TUSC3: variants seen among roughly 807,000 people sequenced by gnomAD.
TUSC3 encodes the protein tumor suppressor candidate 3, also known as dolichyl-diphosphooligosaccharide--protein glycosyltransferase subunit TUSC3.
A neutral mutation model predicts 44.8 loss-of-function variants in TUSC3; 45 were observed. The ratio of observed to expected loss-of-function variants is 1.00; its 90% CI spans 0.79 to 1.29. The LOEUF (loss-of-function observed/expected upper bound fraction) is 1.29. Ranked by LOEUF, TUSC3 falls within the 50% of genes most tolerant of loss-of-function variation. The pLI is 0.00. For missense variants in TUSC3, 519 were observed against 437.9 expected (o/e 1.19, Z -1.65); for synonymous variants, 212 against 152.9 (o/e 1.39, Z -2.85).
At chr8:15,770,353 G>A (rs1343627017), downstream of TUSC3, among the ~76,000 whole-genome samples, 1 of 152,062 alleles carries the variant, frequency 6.6e-6, no homozygotes, top group Non-Finnish European at 1.5e-5. Flanking sequence ...GTGAGAGTTG[G>A]ACAGTGAGAA....
intron 1 of TUSC3, among the ~76,000 whole-genome samples, chr8:15,563,558 T>G (rs762788526): frequency 8.6e-5 from 13 of 151,834 alleles, no homozygotes; most frequent in Non-Finnish European, 1.6e-4. Flanking sequence ...TGGTGGCGCA[T>G]GCCTGTAATA....
the TUSC3 span, among the ~76,000 whole-genome samples, chr8:15,826,732 A>G: frequency 4.2e-4 from 64 of 151,856 alleles, no homozygotes; most frequent in Non-Finnish European, 7.5e-4. Flanking sequence ...AAAGGCAGGA[A>G]GAGGAATGGG....
intron 1 of TUSC3, among the ~76,000 whole-genome samples, chr8:15,431,549 A>G (rs978616032): frequency 3.3e-5 from 5 of 151,654 alleles, no homozygotes; most frequent in African/African-American, 1.2e-4. Context: ...TGCTAAAGTC[A>G]TGGATTAGAT....
chr8:15,556,077 A>G (rs1437708374), intron 1 of TUSC3, among the ~76,000 whole-genome samples: 1 of 150,642 alleles, frequency 6.6e-6, no homozygotes, highest in Admixed American at 6.6e-5. Flanking sequence ...ACATATGTAT[A>G]CATGTGCCAA....
chr8:15,727,973 T>G lies in TUSC3; in HGVS notation c.799-2693T>G, dbSNP rs548458962. On this transcript the variant is annotated intron_variant, in intron 6 of 10. Transcript: ENST00000503731. ...AAATTCAGGACTGTCTCTAAAGCCT[T>G]TCCTCTCTCCTGCCTTATGTATACA... Among the ~76,000 whole-genome samples the G allele has an allele frequency of 3.3e-5, 5 of 152,332 alleles. No homozygotes were observed. In the South Asian group the frequency reaches 1.0e-3, roughly 32 times the overall value.
intron 2 of TUSC3, among the ~76,000 whole-genome samples, chr8:15,485,824 C>G (rs1052100511): frequency 6.6e-6 from 1 of 150,796 alleles, no homozygotes; most frequent in Non-Finnish European, 1.5e-5. Context: ...CAGAGTTTCA[C>G]TCTTGTTGCC....
intron 1 of TUSC3, among the ~76,000 whole-genome samples, chr8:15,446,696 C>A (rs547085876): frequency 3.4e-5 from 4 of 116,342 alleles, no homozygotes; most frequent in African/African-American, 1.0e-4. Context: ...AGCCTCGGCT[C>A]GGCATCAGAG....
chr8:15,582,050 C>T (rs536090031), intron 1 of TUSC3, among the ~76,000 whole-genome samples: 17 of 152,088 alleles, frequency 1.1e-4, no homozygotes, highest in South Asian at 4.1e-4. Context: ...GCGCAATATT[C>T]GGGTGGCAGT....
intron 1 of TUSC3, among the ~76,000 whole-genome samples, chr8:15,591,658 G>T (rs186913447): frequency 6.6e-6 from 1 of 152,172 alleles, no homozygotes; most frequent in Non-Finnish European, 1.5e-5. Context: ...TTGACTTGTG[G>T]AGTCCACATT....
chr8:15,673,976 T>TCACCTATATA, intron 6 of TUSC3, 140 bp downstream of exon 6: 1 of 705,266 alleles, frequency 1.4e-6, no homozygotes, highest in South Asian at 1.8e-5. Flanking sequence ...ACTACCTGTG[T>TCACCTATATA]CACCTATATA....
chr8:15,715,122 A>G (rs749172422), intron 6 of TUSC3, among the ~76,000 whole-genome samples: 1 of 152,122 alleles, frequency 6.6e-6, no homozygotes, highest in Non-Finnish European at 1.5e-5. Context: ...ATTAAATTAA[A>G]TAATCTTTAT....
chr8:15,654,915 T>TG (rs535347813), intron 3 of TUSC3, among the ~76,000 whole-genome samples: 7 of 152,356 alleles, frequency 4.6e-5, no homozygotes, highest in African/African-American at 1.4e-4. Context: ...TCTTCCATCT[T>TG]TACTTCTTCA....
intron 6 of TUSC3, among the ~76,000 whole-genome samples, chr8:15,690,158 C>G (rs1808836063): frequency 6.6e-6 from 1 of 152,120 alleles, no homozygotes; most frequent in Non-Finnish European, 1.5e-5. Flanking sequence ...TTCTTCTCTT[C>G]CACAATCTCG....
At chr8:15,490,612 G>A (rs1333547432) in intron 2 of TUSC3, among the ~76,000 whole-genome samples, 2 of 152,194 alleles carry the variant, frequency 1.3e-5, no homozygotes, top group African/African-American at 2.4e-5. Flanking sequence ...GCTGCCAGGT[G>A]TGCTGGGTCT....
chr8:15,782,605 C>T, the TUSC3 span, among the ~76,000 whole-genome samples: 1 of 152,142 alleles, frequency 6.6e-6, no homozygotes, highest in Non-Finnish European at 1.5e-5. Flanking sequence ...AAATATAATT[C>T]ACCATATTAA....
intron 2 of TUSC3, among the ~76,000 whole-genome samples, chr8:15,630,610 T>G (rs1270326811): frequency 2.6e-5 from 4 of 152,294 alleles, no homozygotes; most frequent in African/African-American, 7.2e-5. Context: ...TCCAGAGCTA[T>G]TAGAATTTAA....
At chr8:15,518,746 G>A (rs927571320) in intron 2 of TUSC3, among the ~76,000 whole-genome samples, 8 of 152,106 alleles carry the variant, frequency 5.3e-5, no homozygotes, top group Non-Finnish European at 1.2e-4. Flanking sequence ...GGTACATTTA[G>A]TATGTACTTA....
the TUSC3 span, among the ~76,000 whole-genome samples, chr8:15,829,237 A>G: frequency 6.4e-4 from 98 of 152,326 alleles, no homozygotes; most frequent in African/African-American, 2.2e-3. Flanking sequence ...AAAATGTTGC[A>G]AAGAATCAAC....
intron 6 of TUSC3, among the ~76,000 whole-genome samples, chr8:15,687,296 T>C (rs1170444713): frequency 1.3e-5 from 2 of 152,128 alleles, no homozygotes; most frequent in East Asian, 3.9e-4. Flanking sequence ...TAATATGATA[T>C]CGGTTAGCCT....
Sources: gnomAD v4.1 joint callset for allele counts (sites outside exome capture counted in the v4.1 genomes callset) on GRCh38, gnomAD v4.1.1 for gene constraint, MANE v1.5 for transcripts, NCBI Gene and HGNC (gene_info 2026-07-23, HGNC 2026-07-21) for gene names.